The following GALNTL6 variants were observed in gnomAD, a reference collection of about 807,000 sequenced individuals.
GALNTL6 encodes the protein polypeptide N-acetylgalactosaminyltransferase-like 6.
GALNTL6 carries 46 observed loss-of-function variants against 73.7 expected under a neutral mutation model. The observed-to-expected ratio is 0.62, with a 90% CI of 0.49 to 0.80. The LOEUF (loss-of-function observed/expected upper bound fraction) is 0.80, where lower values mean the gene tolerates loss of function less well. GALNTL6 is among the 30% of genes least tolerant of loss of function. GALNTL6 has a pLI of 0.00. For missense variants in GALNTL6, 604 were observed against 755.0 expected, an observed-to-expected ratio of 0.80 and a Z score of 2.34; for synonymous variants, 259 against 263.7, an observed-to-expected ratio of 0.98 and a Z score of 0.17.
chr4:172,561,122 G>A (rs929578517), intron 5 of GALNTL6, among the ~76,000 whole-genome samples: 14 of 151,348 alleles, frequency 9.3e-5, no homozygotes, highest in Admixed American at 1.3e-4. Context: ...GCGCGGTGGC[G>A]GGCGCCTGTA....
At chr4:172,403,848 G>A (rs924754729) in intron 5 of GALNTL6, among the ~76,000 whole-genome samples, 1 of 151,804 alleles carries the variant, frequency 6.6e-6, no homozygotes, top group Admixed American at 6.6e-5. Context: ...CTTCAGAAAC[G>A]GTTGATACTT....
chr4:172,974,577 T>C (rs979659114), intron 10 of GALNTL6, among the ~76,000 whole-genome samples: 1 of 152,188 alleles, frequency 6.6e-6, no homozygotes, highest in Admixed American at 6.5e-5. Context: ...CATGGGATCC[T>C]TGGGGTGTTG....
intron 2 of GALNTL6, among the ~76,000 whole-genome samples, chr4:171,971,718 A>G (rs928034860): frequency 1.3e-5 from 2 of 152,160 alleles, no homozygotes; most frequent in African/African-American, 2.4e-5. Flanking sequence ...AAAGTCCTAT[A>G]TTTGAATATT....
intron 3 of GALNTL6, among the ~76,000 whole-genome samples, chr4:172,234,925 A>G (rs1268393340): frequency 6.6e-6 from 1 of 152,026 alleles, no homozygotes; most frequent in Non-Finnish European, 1.5e-5. Context: ...GTTGACCTGA[A>G]CTTTTCTTGG....
intron 5 of GALNTL6, among the ~76,000 whole-genome samples, chr4:172,478,310 T>C (rs1399235016): frequency 6.6e-6 from 1 of 152,144 alleles, no homozygotes; most frequent in East Asian, 1.9e-4. Flanking sequence ...CGTGTAAAAG[T>C]AGACACTTAG....
intron 5 of GALNTL6, among the ~76,000 whole-genome samples, chr4:172,764,714 T>G (rs1032432422): frequency 2.0e-5 from 3 of 152,222 alleles, no homozygotes; most frequent in African/African-American, 7.2e-5. Flanking sequence ...ACATTGATTC[T>G]GTCTCAAAAA....
rs1264508320 is a variant in GALNTL6 at position 172,164,518 on chromosome 4, CCTTTTCAAGTTTACTA to C, written c.139-65121_139-65106del. Among the ~76,000 whole-genome samples, 4 of 151,972 alleles carry C rather than the reference CCTTTTCAAGTTTACTA, an allele frequency of 2.6e-5. No homozygotes were observed. In the East Asian group the frequency reaches 5.8e-4, roughly 22 times the overall value. On this transcript the variant is annotated intron_variant, in intron 2 of 12. Coordinates refer to ENST00000506823, the MANE Select transcript of GALNTL6 (RefSeq NM_001034845.3). ...AGATTTTAATATACTTTATTAGTCA[CCTTTTCAAGTTTACTA>C]CTTTTCAAGTTTACTATCAAAAGCT...
At chr4:172,382,254 C>G (rs1743310837) in intron 5 of GALNTL6, among the ~76,000 whole-genome samples, 1 of 151,808 alleles carries the variant, frequency 6.6e-6, no homozygotes, top group Non-Finnish European at 1.5e-5. Flanking sequence ...CAAGAGTGAG[C>G]CACCACGCCC....
intron 5 of GALNTL6, among the ~76,000 whole-genome samples, chr4:172,678,908 T>G (rs1732461644): frequency 6.6e-6 from 1 of 152,176 alleles, no homozygotes; most frequent in Non-Finnish European, 1.5e-5. Flanking sequence ...AAAGGTCAGA[T>G]AGTATACATT....
At chr4:172,297,291 C>T (rs1226007478) in intron 3 of GALNTL6, among the ~76,000 whole-genome samples, 1 of 152,006 alleles carries the variant, frequency 6.6e-6, no homozygotes, top group East Asian at 1.9e-4. Context: ...AAAATTTTCT[C>T]CCATTCTGTA....
At chr4:172,902,929 C>T (rs1196787873) in intron 8 of GALNTL6, among the ~76,000 whole-genome samples, 2 of 152,204 alleles carry the variant, frequency 1.3e-5, no homozygotes, top group African/African-American at 4.8e-5. Flanking sequence ...GGAGCTGACT[C>T]TTCAGTAGCA....
chr4:172,719,235 C>G (rs1043081058), intron 5 of GALNTL6, among the ~76,000 whole-genome samples: 9 of 152,260 alleles, frequency 5.9e-5, no homozygotes, highest in Admixed American at 1.3e-4. Context: ...ACACCCAAAT[C>G]TCAGAAACAA....
At chr4:171,878,657 T>A (rs1355616051) in intron 2 of GALNTL6, among the ~76,000 whole-genome samples, 2 of 152,196 alleles carry the variant, frequency 1.3e-5, no homozygotes, top group African/African-American at 4.8e-5. Context: ...GTTGTTTTTA[T>A]AATATTGTTG....
At chr4:172,665,086 A>G (rs1456062806) in intron 5 of GALNTL6, among the ~76,000 whole-genome samples, 3 of 152,112 alleles carry the variant, frequency 2.0e-5, no homozygotes, top group East Asian at 3.9e-4. Flanking sequence ...ACCACCAACT[A>G]AGCTCTCATC....
At chr4:172,056,282 T>C (rs1731017349) in intron 2 of GALNTL6, among the ~76,000 whole-genome samples, 1 of 152,160 alleles carries the variant, frequency 6.6e-6, no homozygotes, top group Non-Finnish European at 1.5e-5. Flanking sequence ...AAAAGCATAA[T>C]TTTCTTTTCA....
intron 2 of GALNTL6, among the ~76,000 whole-genome samples, chr4:171,873,628 A>G (rs1460465380): frequency 6.6e-6 from 1 of 152,282 alleles, no homozygotes; most frequent in East Asian, 1.9e-4. Flanking sequence ...TAGTGTCTAT[A>G]AAAACTTTAT....
At chr4:172,059,979 T>C (rs2110878809) in intron 2 of GALNTL6, among the ~76,000 whole-genome samples, 2 of 152,268 alleles carry the variant, frequency 1.3e-5, no homozygotes, top group Middle Eastern at 6.8e-3. Flanking sequence ...AAGAAGACTG[T>C]AGGGAATTTG....
At chr4:172,134,384 A>G (rs1053163855) in intron 2 of GALNTL6, among the ~76,000 whole-genome samples, 3 of 148,008 alleles carry the variant, frequency 2.0e-5, no homozygotes, top group African/African-American at 5.0e-5. Flanking sequence ...GACTCCTCTA[A>G]AAAAAAAAAA....
chr4:172,385,349 C>CAA (rs1743428521), intron 5 of GALNTL6, among the ~76,000 whole-genome samples: 1 of 151,960 alleles, frequency 6.6e-6, no homozygotes. Context: ...CCTAGTTGTT[C>CAA]TATTCATTGT....
Sources: allele counts gnomAD v4.1 joint callset (sites outside exome capture counted in the v4.1 genomes callset), GRCh38; gene constraint gnomAD v4.1.1; transcripts MANE v1.5; gene names NCBI Gene and HGNC (gene_info 2026-07-23, HGNC 2026-07-21).